Variants in RNF145 observed in about 807,000 individuals in gnomAD.
RNF145 encodes ring finger protein 145.
A neutral mutation model predicts 57.3 loss-of-function variants in RNF145; 12 were observed. The observed-to-expected ratio is 0.21, with a 90% CI of 0.13 to 0.34. RNF145 has a LOEUF of 0.34. Ranked by LOEUF, RNF145 falls within the 10% of genes least tolerant of loss-of-function variation. RNF145 has a pLI of 1.00. For missense variants in RNF145, 429 were observed against 799.0 expected (o/e 0.54, Z 5.58); for synonymous variants, 262 against 288.3 (o/e 0.91, Z 0.92).
chr5:159,209,241 G>A lies in RNF145; in HGVS notation c.-50C>T, dbSNP rs991214977. The A allele has an allele frequency of 1.0e-6, 1 of 985,112 alleles. No homozygotes were observed. The highest frequency in any genetic ancestry group is 1.7e-5 in the African/African-American group (1 of 57,320). 61.0% of individuals were successfully genotyped at this position (985,112 alleles called of 1,614,324 possible). A position where few individuals can be genotyped will look rare whatever the true frequency, so the allele number is the denominator to read the frequency against. On this transcript the variant is annotated 5_prime_UTR_variant, in exon 1 of 11. Coordinates refer to ENST00000424310, the MANE Select transcript of RNF145 (RefSeq NM_001199383.2). ...GGGCGGCGTGGTCACCTCAGGCTGC[G>A]GACTCCCTCCCTGGGGAGCGGCGCT...
At chr5:159,183,552 T>C (rs983457232) in intron 3 of RNF145, among the ~76,000 whole-genome samples, 3 of 152,176 alleles carry the variant, frequency 2.0e-5, no homozygotes, top group Non-Finnish European at 4.4e-5. Flanking sequence ...AATGGAATTA[T>C]ATAGTTAGAA....
Position 159,161,314 on chromosome 5 carries a change from C to T in RNF145, c.1578G>A (p.Thr526=), listed in dbSNP as rs780679803. The T allele has an allele frequency of 8.1e-6, 13 of 1,613,662 alleles. No individual in the cohort carries two copies. Among genetic ancestry groups the T allele is most frequent in the African/African-American group, 4.0e-5 (3 of 74,908 alleles). ...VNKIKSLPIA[T]KEQLEKHNDI... ...CATTGTGTTTCTCAAGCTGCTCTTT[C>T]GTAGCAATGGGTAACGATTTAATCT... Residue 526 remains threonine, a synonymous_variant, in exon 10 of 11, where the codon ACG becomes ACA. Coordinates refer to ENST00000424310, the MANE Select transcript of RNF145 (RefSeq NM_001199383.2).
intron 8 of RNF145, 43 bp downstream of exon 8, chr5:159,168,830 A>T (rs750089208): frequency 8.9e-5 from 111 of 1,247,022 alleles, no homozygotes; most frequent in Non-Finnish European, 1.1e-4. Context: ...CATGTAAAGA[A>T]TATTACATGA....
chr5:159,190,646 C>A (rs1193158880), intron 3 of RNF145, among the ~76,000 whole-genome samples: 1 of 147,622 alleles, frequency 6.8e-6, no homozygotes, highest in Admixed American at 6.8e-5. Context: ...CTGCACCACT[C>A]CACTGCAACC....
intron 3 of RNF145, among the ~76,000 whole-genome samples, chr5:159,183,292 C>A (rs1784953627): frequency 6.6e-6 from 1 of 152,136 alleles, no homozygotes; most frequent in Non-Finnish European, 1.5e-5. Context: ...GGCAATTTTG[C>A]TCCTGAGGGG....
At chr5:159,171,445 C>T (rs1031708674) in intron 6 of RNF145, among the ~76,000 whole-genome samples, 1 of 152,030 alleles carries the variant, frequency 6.6e-6, no homozygotes, top group Non-Finnish European at 1.5e-5. Context: ...TCAAACAGAG[C>T]ACTTTCCTTT....
At position 159,194,586 on chromosome 5, in the gene RNF145, T is replaced by C; in HGVS notation, c.293+130A>G. 7.8e-6 allele frequency: 5 copies of C among 641,940 alleles called. No individual in the cohort carries two copies. The South Asian group carries it at 8.0e-5, about 10-fold the overall frequency. The allele number at this position is 641,940 out of a possible 1,614,324, so 39.8% of individuals were successfully genotyped here. On this transcript the variant is annotated intron_variant, in intron 3 of 10. Transcript: ENST00000424310. ...TTAATCCTGTGTAAGATTTGGAAAA[T>C]GAGTATCAAACCAGTTTTGGACCTA...
chr5:159,161,425 G>A lies in RNF145; in HGVS notation c.1467C>T (p.Ile489=). The A allele has an allele frequency of 4.3e-6, 7 of 1,614,154 alleles. No individual in the cohort carries two copies. Among genetic ancestry groups the A allele is most frequent in the Non-Finnish European group, 5.9e-6 (7 of 1,180,012 alleles). Residue 489 remains isoleucine, a synonymous_variant, in exon 10 of 11, where the codon ATC becomes ATT. Transcript: ENST00000424310. ...FGEWTVMGSM[I]IFIHSYYNVW... ...CGTTATAGTAGGAATGAATGAAGAT[G>A]ATCATTGAGCCCATCACTGTCCATT... is the stretch of plus-strand genomic sequence containing the variant.
At chr5:159,184,923 G>C (rs1285543612) in intron 3 of RNF145, among the ~76,000 whole-genome samples, 1 of 152,124 alleles carries the variant, frequency 6.6e-6, no homozygotes, top group Admixed American at 6.5e-5. Flanking sequence ...CATTCCAGAA[G>C]AATAAATGAT....
At chr5:159,185,699 T>C (rs1246455390) in intron 3 of RNF145, among the ~76,000 whole-genome samples, 1 of 152,240 alleles carries the variant, frequency 6.6e-6, no homozygotes, top group East Asian at 1.9e-4. Context: ...TTACAATTTT[T>C]CATTTCAGAA....
intron 2 of RNF145, among the ~76,000 whole-genome samples, chr5:159,199,590 T>C (rs1785592127): frequency 6.6e-6 from 1 of 152,188 alleles, no homozygotes; most frequent in Non-Finnish European, 1.5e-5. Flanking sequence ...TGGCTCTCAT[T>C]ACCTCTTGCC....
At chr5:159,195,677 T>C (rs1426790805) in intron 2 of RNF145, among the ~76,000 whole-genome samples, 2 of 152,220 alleles carry the variant, frequency 1.3e-5, no homozygotes, top group Admixed American at 6.5e-5. Flanking sequence ...CAATAAACAC[T>C]GGAAATTTGG....
At chr5:159,182,128 TTA>T in intron 3 of RNF145, 77 bp from the exon 4 acceptor site, 2 of 863,114 alleles carry the variant, frequency 2.3e-6, no homozygotes, top group Middle Eastern at 2.6e-4. Context: ...TAAAAGCATA[TTA>T]TGTTAATGAT....
Position 159,163,024 on chromosome 5 carries a change from G to A in RNF145, c.1177C>T (p.Pro393Ser). ...VSLCLFLLVF[P>S]AYMAYMICQF... ...CAAATCATATAAGCCATATAAGCAG[G>A]GAATACCAATAAAAATAAACAAAGG... Residue 393 changes from proline to serine, a missense_variant, in exon 9 of 11, where the codon CCT becomes TCT. This residue lies in a region of RNF145 where 216 missense variants were observed against 457.6 expected (regional missense o/e 0.47). Transcript: ENST00000424310. 6.2e-7 allele frequency: 1 copy of A among 1,611,064 alleles called. No individual in the cohort carries two copies. Among genetic ancestry groups the A allele is most frequent in the East Asian group, 2.2e-5 (1 of 44,840 alleles).
chr5:159,181,871 T>TC (rs1259274346), intron 4 of RNF145, 89 bp downstream of exon 4: 64 of 751,366 alleles, frequency 8.5e-5, no homozygotes, highest in Non-Finnish European at 1.2e-4. Flanking sequence ...GAGAATTCCG[T>TC]TTTAAAAAAA....
upstream of RNF145, chr5:159,209,930 G>A: frequency 6.5e-7 from 1 of 1,533,696 alleles, no homozygotes; most frequent in Non-Finnish European, 8.7e-7. Context: ...GCGAGAATTC[G>A]TTTTAACCTC....
chr5:159,196,876 C>T lies in RNF145; in HGVS notation c.185-2052G>A, dbSNP rs186776782. On this transcript the variant is annotated intron_variant, in intron 2 of 10. Coordinates refer to ENST00000424310, the MANE Select transcript of RNF145 (RefSeq NM_001199383.2). ...TTAACGAAACTGTCATTTTCCTTTC[C>T]AGAACGGTCTTGTCTTTTCTTTCTC... Among the ~76,000 whole-genome samples the T allele has an allele frequency of 1.1e-4, 16 of 152,264 alleles. No homozygotes were observed. The East Asian group carries it at 2.3e-3, about 22-fold the overall frequency.
chr5:159,209,929 C>T, upstream of RNF145: 2 of 1,534,058 alleles, frequency 1.3e-6, no homozygotes, highest in Non-Finnish European at 1.7e-6. Context: ...TGCGAGAATT[C>T]GTTTTAACCT....
chr5:159,203,193 T>C (rs1272314306), intron 2 of RNF145, among the ~76,000 whole-genome samples: 1 of 152,168 alleles, frequency 6.6e-6, no homozygotes, highest in Non-Finnish European at 1.5e-5. Context: ...ATCTAGAATG[T>C]TTTCTTCTGC....
Sources: gnomAD v4.1 joint callset for allele counts (sites outside exome capture counted in the v4.1 genomes callset) on GRCh38, gnomAD v4.1.1 for gene constraint, gnomAD v4.1.1 regional missense constraint, MANE v1.5 for transcripts, NCBI Gene and HGNC (gene_info 2026-07-23, HGNC 2026-07-21) for gene names.